The following KCNJ1 variants were observed in gnomAD, a reference collection of about 807,000 sequenced individuals.
KCNJ1 encodes potassium inwardly rectifying channel subfamily J member 1.
Under a neutral mutation model 21.9 loss-of-function variants are expected in KCNJ1, and 24 were observed. That is an observed-to-expected ratio of 1.10 (90% CI 0.79 to 1.54). KCNJ1 has a LOEUF of 1.54. Among genes scored for constraint, KCNJ1 ranks in the 40% most tolerant of loss-of-function variants. The probability of loss-of-function intolerance (pLI) is 0.00; values close to 1 mark genes in which losing one functional copy is unlikely to be tolerated. For missense variants in KCNJ1, 457 were observed against 455.4 expected, an observed-to-expected ratio of 1.00 and a Z score of -0.03; for synonymous variants, 152 against 160.9, an observed-to-expected ratio of 0.94 and a Z score of 0.42.
chr11:128,839,596 G>A lies in KCNJ1; in HGVS notation c.648C>T (p.Val216=). ...AAATAATGGTCTCTCCTTCAGGAGT[G>A]ACTGTGGTCTTCAGAAGCTTTCCAT... ...HIYGKLLKTT[V]TPEGETIILD... The change falls in exon 3 of 3, where the codon GTC becomes GTT. Residue 216 remains valine, a synonymous_variant. Coordinates refer to ENST00000392666, the MANE Select transcript of KCNJ1 (RefSeq NM_153766.3). 1 of 1,614,078 alleles carries A rather than the reference G, an allele frequency of 6.2e-7. No individual in the cohort carries two copies. Among genetic ancestry groups the A allele is most frequent in the Non-Finnish European group, 8.5e-7 (1 of 1,179,966 alleles).
chr11:128,851,775 C>A (rs993464897), intron 1 of KCNJ1, among the ~76,000 whole-genome samples: 4 of 152,176 alleles, frequency 2.6e-5, no homozygotes, highest in African/African-American at 9.7e-5. Flanking sequence ...GGATGCCCAA[C>A]CTTGACAATT....
chr11:128,856,438 G>A (rs1203365237), intron 1 of KCNJ1, among the ~76,000 whole-genome samples: 1 of 152,222 alleles, frequency 6.6e-6, no homozygotes, highest in East Asian at 1.9e-4. Context: ...TGGGGTGAGA[G>A]GTGCATGTGC....
intron 1 of KCNJ1, among the ~76,000 whole-genome samples, chr11:128,864,239 A>G (rs182972498): frequency 6.6e-6 from 1 of 151,758 alleles, no homozygotes; most frequent in East Asian, 1.9e-4. Context: ...GGTGTGTGCC[A>G]CCATGCCTGG....
At chr11:128,848,631 G>C (rs918284981) in intron 2 of KCNJ1, among the ~76,000 whole-genome samples, 1 of 152,208 alleles carries the variant, frequency 6.6e-6, no homozygotes, top group Non-Finnish European at 1.5e-5. Flanking sequence ...TTTAAAGAGA[G>C]AGCAGCACAT....
At chr11:128,840,393 G>T in intron 2 of KCNJ1, 129 bp from the exon 3 acceptor site, 1 of 891,516 alleles carries the variant, frequency 1.1e-6, no homozygotes, top group Non-Finnish European at 1.8e-6. Flanking sequence ...CATTTGGCAA[G>T]CTGACAAGTT....
chr11:128,852,083 T>C (rs926001117), intron 1 of KCNJ1, among the ~76,000 whole-genome samples: 8 of 152,190 alleles, frequency 5.3e-5, no homozygotes, highest in South Asian at 2.1e-4. Context: ...AGCTCTAACA[T>C]TGGGTATTCA....
chr11:128,845,499 T>C (rs1943362924), intron 2 of KCNJ1, among the ~76,000 whole-genome samples: 1 of 152,196 alleles, frequency 6.6e-6, no homozygotes. Flanking sequence ...CCCTGCTGGA[T>C]CTGCAAAGGT....
chr11:128,861,048 T>A (rs919712029), intron 1 of KCNJ1, among the ~76,000 whole-genome samples: 1 of 152,176 alleles, frequency 6.6e-6, no homozygotes, highest in African/African-American at 2.4e-5. Flanking sequence ...CTTCTCTCCA[T>A]CCCCAGGCAC....
At position 128,840,026 on chromosome 11, in the gene KCNJ1, C is replaced by T; in HGVS notation, c.218G>A (p.Trp73Ter). The T allele has an allele frequency of 6.2e-7, 1 of 1,613,932 alleles. No homozygotes were observed. The highest frequency in any genetic ancestry group is 8.5e-7 in the Non-Finnish European group (1 of 1,179,960). Residue 73 changes from tryptophan (W) to a stop codon, truncating the protein, a stop_gained, in exon 3 of 3, where the codon TGG (tryptophan) becomes TAG (stop). Transcript: ENST00000392666. LOFTEE classifies it high-confidence loss of function. ...ATACCACAGGAGACCAAAGAAAAAC[C>T]AACTCCCCAAGAAGGCTGTGATGAA... ...TIFITAFLGS[W>*]FFFGLLWYAV...
At chr11:128,860,991 C>A (rs1275748352) in intron 1 of KCNJ1, among the ~76,000 whole-genome samples, 1 of 152,236 alleles carries the variant, frequency 6.6e-6, no homozygotes, top group Non-Finnish European at 1.5e-5. Context: ...GGGCAGGGAG[C>A]ATCAACAGCT....
chr11:128,862,993 G>A (rs1167507558), intron 1 of KCNJ1, among the ~76,000 whole-genome samples: 14 of 152,222 alleles, frequency 9.2e-5, no homozygotes, highest in Admixed American at 9.2e-4. Context: ...CAGTTGCTGA[G>A]TTCTGCTGAG....
In KCNJ1 at chr11:128,839,295, T is replaced by A. The variant is rs771398694; in HGVS notation, c.949A>T (p.Lys317Ter). The A allele has an allele frequency of 2.5e-6, 4 of 1,614,024 alleles. No homozygotes were observed. Among genetic ancestry groups the A allele is most frequent in the Non-Finnish European group, 3.4e-6 (4 of 1,180,040 alleles). Residue 317 changes from lysine (K) to a stop codon, truncating the protein, a stop_gained, in exon 3 of 3, where the codon AAA becomes TAA. Transcript: ENST00000392666. LOFTEE classifies it high-confidence loss of function. ...APIVSKTKEG[K>*]YRVDFHNFSK... ...AAGTTATGGAAATCCACTCGGTATT[T>A]CCCTTCCTTTGTCTTGGATACTATG...
chr11:128,856,092 A>T (rs1943584231), intron 1 of KCNJ1, among the ~76,000 whole-genome samples: 1 of 151,464 alleles, frequency 6.6e-6, no homozygotes, highest in Non-Finnish European at 1.5e-5. Context: ...GGGAAAAGAC[A>T]GCAGGCTCTG....
intron 1 of KCNJ1, among the ~76,000 whole-genome samples, chr11:128,859,829 A>G (rs1324904207): frequency 6.6e-6 from 1 of 152,240 alleles, no homozygotes; most frequent in Admixed American, 6.5e-5. Context: ...GGAAATTAAA[A>G]GGAGCCAAAT....
At chr11:128,864,165 C>A (rs1020513053) in intron 1 of KCNJ1, among the ~76,000 whole-genome samples, 3 of 141,814 alleles carry the variant, frequency 2.1e-5, no homozygotes, top group African/African-American at 8.0e-5. Flanking sequence ...CAGCTCACTG[C>A]AACCTCCGCC....
intron 1 of KCNJ1, among the ~76,000 whole-genome samples, chr11:128,865,896 A>C (rs982012117): frequency 6.6e-6 from 1 of 152,218 alleles, no homozygotes; most frequent in African/African-American, 2.4e-5. Context: ...TCATTAAAGC[A>C]TTAAAGATTA....
At chr11:128,857,092 C>G (rs925890956) in intron 1 of KCNJ1, among the ~76,000 whole-genome samples, 2 of 152,294 alleles carry the variant, frequency 1.3e-5, no homozygotes, top group African/African-American at 4.8e-5. Context: ...GTTCCCACCC[C>G]CTCTGCTCTG....
At chr11:128,856,892 C>T (rs1414382282) in intron 1 of KCNJ1, among the ~76,000 whole-genome samples, 1 of 152,040 alleles carries the variant, frequency 6.6e-6, no homozygotes, top group Non-Finnish European at 1.5e-5. Flanking sequence ...CTGTCCACCG[C>T]CTCTTTCTCC....
chr11:128,847,395 T>C (rs1250383227), intron 2 of KCNJ1, among the ~76,000 whole-genome samples: 1 of 152,166 alleles, frequency 6.6e-6, no homozygotes, highest in East Asian at 1.9e-4. Flanking sequence ...CAAAACCACT[T>C]TACAAGCCCA....
Sources: allele counts gnomAD v4.1 joint callset (sites outside exome capture counted in the v4.1 genomes callset), GRCh38; gene constraint gnomAD v4.1.1; transcripts MANE v1.5; gene names NCBI Gene and HGNC (gene_info 2026-07-23, HGNC 2026-07-21).